RASGRF2: variants seen among roughly 807,000 people sequenced by gnomAD.
RASGRF2 encodes the protein Ras protein specific guanine nucleotide releasing factor 2.
Under a neutral mutation model 151.0 loss-of-function variants are expected in RASGRF2, and 76 were observed. That is an observed-to-expected ratio of 0.50 (90% CI 0.42 to 0.61). The LOEUF (loss-of-function observed/expected upper bound fraction) is 0.61. Among genes scored for constraint, RASGRF2 ranks in the 20% least tolerant of loss-of-function variants. RASGRF2 has a pLI of 0.00. For missense variants in RASGRF2, 1,148 were observed against 1,564.6 expected (o/e 0.73, Z 4.49); for synonymous variants, 504 against 566.5 (o/e 0.89, Z 1.57).
intron 19 of RASGRF2, among the ~76,000 whole-genome samples, chr5:81,205,270 T>C (rs1264868588): frequency 2.6e-5 from 4 of 151,976 alleles, no homozygotes; most frequent in Admixed American, 6.6e-5. Flanking sequence ...TTATTGACTG[T>C]GTGCTGTGTG....
chr5:81,123,710 C>G lies in RASGRF2; in HGVS notation c.2539C>G (p.Leu847Val). 1 of 1,614,030 alleles carries G rather than the reference C, an allele frequency of 6.2e-7. No homozygotes were observed. Among genetic ancestry groups the G allele is most frequent in the Non-Finnish European group, 8.5e-7 (1 of 1,179,962 alleles). The change falls in exon 16 of 27, where the codon CTT (leucine) becomes GTT (valine). Residue 847 changes from leucine to valine, a missense_variant. By Grantham distance (32) the Leu-to-Val change is conservative. This residue lies in a region of RASGRF2 where 646 missense variants were observed against 807.4 expected (regional missense o/e 0.80). Coordinates refer to ENST00000265080, the MANE Select transcript of RASGRF2 (RefSeq NM_006909.3). ...ESSPAADTTE[L>V]SPCRSPSTPR... ...CTCCCCTGCAGCGGACACCACAGAA[C>G]TTTCACCTTGCAGATCCCCCTCAAC...
At chr5:81,172,864 G>A (rs554233443) in intron 17 of RASGRF2, among the ~76,000 whole-genome samples, 1 of 152,268 alleles carries the variant, frequency 6.6e-6, no homozygotes, top group Admixed American at 6.5e-5. Context: ...TGGATGATGT[G>A]TGGTGAGATT....
At chr5:80,982,821 C>T (rs561401761) in intron 1 of RASGRF2, among the ~76,000 whole-genome samples, 20 of 152,022 alleles carry the variant, frequency 1.3e-4, no homozygotes, top group Non-Finnish European at 2.2e-4. Context: ...AGGATGGTCT[C>T]GATCTCCTGA....
At chr5:81,090,763 C>T (rs879236084) in intron 9 of RASGRF2, among the ~76,000 whole-genome samples, 3 of 152,116 alleles carry the variant, frequency 2.0e-5, no homozygotes, top group South Asian at 2.1e-4. Context: ...GAGCTAACAG[C>T]GTATTCTGTA....
chr5:80,996,066 A>G (rs1248912873), intron 1 of RASGRF2, among the ~76,000 whole-genome samples: 1 of 151,706 alleles, frequency 6.6e-6, no homozygotes, highest in Non-Finnish European at 1.5e-5. Context: ...CTTCCACCTT[A>G]TCTCTTCCTC....
At chr5:81,164,059 G>A (rs190534402) in intron 17 of RASGRF2, among the ~76,000 whole-genome samples, 62 of 152,260 alleles carry the variant, frequency 4.1e-4, no homozygotes, top group Non-Finnish European at 2.8e-4. Context: ...GACTTGTGAA[G>A]CTTAAATGAG....
intron 1 of RASGRF2, among the ~76,000 whole-genome samples, chr5:81,015,526 C>A (rs966374134): frequency 1.3e-5 from 2 of 151,762 alleles, no homozygotes; most frequent in African/African-American, 4.8e-5. Flanking sequence ...TTTTTTTTCA[C>A]ATTTTCTGGT....
chr5:81,059,068 C>T (rs1200429306), intron 2 of RASGRF2, among the ~76,000 whole-genome samples: 1 of 152,114 alleles, frequency 6.6e-6, no homozygotes, highest in East Asian at 1.9e-4. Context: ...CTCATCAGAA[C>T]AGCCAGTGGG....
chr5:80,960,584 A>C lies in RASGRF2; in HGVS notation c.-155A>C. 1.5e-6 allele frequency: 1 copy of C among 685,874 alleles called. No homozygotes were observed. The allele number at this position is 685,874 out of a possible 1,614,324, so 42.5% of individuals were successfully genotyped here. A position where few individuals can be genotyped will look rare whatever the true frequency, so the allele number is the denominator to read the frequency against. The stretch of plus-strand genomic sequence containing the variant: ...GCCACCGCGCGCCGCGGCCTCCCGA[A>C]AGCGGGCGGGGTGCCCTGCGCGCGG... On this transcript the variant is annotated 5_prime_UTR_variant, in exon 1 of 27. Coordinates refer to ENST00000265080, the MANE Select transcript of RASGRF2 (RefSeq NM_006909.3). The surrounding 1 kb of genome is among the most constrained non-coding windows in gnomAD (Gnocchi z 5.5).
chr5:81,009,426 G>A (rs1749383159), intron 1 of RASGRF2, among the ~76,000 whole-genome samples: 1 of 152,184 alleles, frequency 6.6e-6, no homozygotes, highest in African/African-American at 2.4e-5. Flanking sequence ...CGCTAAAATT[G>A]TGATGTGAGT....
At chr5:81,093,078 C>T in intron 10 of RASGRF2, 117 bp downstream of exon 10, 2 of 1,073,228 alleles carry the variant, frequency 1.9e-6, no homozygotes, top group Non-Finnish European at 1.3e-6. Context: ...GTCATGATTG[C>T]ATAATGAGTG....
intron 1 of RASGRF2, among the ~76,000 whole-genome samples, chr5:81,041,756 A>G (rs751303872): frequency 1.3e-5 from 2 of 152,180 alleles, no homozygotes; most frequent in African/African-American, 2.4e-5. Context: ...GCACAGTTCT[A>G]TGAATGTAAA....
Position 81,080,597 on chromosome 5 carries a change from T to C in RASGRF2, c.969T>C (p.Ala323=), listed in dbSNP as rs1305839662. ...RIANWPTLIL[A]DLFDILLPML... ...GCCGTGTTTACTGTTTCTTTGCAGC[T>C]GATCTGTTTGATATTTTGCTCCCCA... The change falls in exon 7 of 27, where the codon GCT becomes GCC. Residue 323 remains alanine, a splice_region_variant and synonymous_variant. Transcript: ENST00000265080. 3 of 1,612,782 alleles carry C rather than the reference T, an allele frequency of 1.9e-6. No homozygotes were observed. The highest frequency in any genetic ancestry group is 2.5e-6 in the Non-Finnish European group (3 of 1,179,088).
At chr5:80,969,454 CTTTTTTT>C (rs1336281599) in intron 1 of RASGRF2, among the ~76,000 whole-genome samples, 1 of 126,072 alleles carries the variant, frequency 7.9e-6, no homozygotes, top group Admixed American at 8.2e-5. Context: ...TTTCTTTTTT[CTTTTTTT>C]TTTTTGAGAC....
At chr5:80,969,597 C>T (rs1358216135) in intron 1 of RASGRF2, among the ~76,000 whole-genome samples, 163 of 150,954 alleles carry the variant, frequency 1.1e-3, no homozygotes, top group African/African-American at 3.6e-3. Context: ...TACAGGCACC[C>T]GCCACCACGC....
chr5:81,067,061 C>A (rs1751629261), intron 2 of RASGRF2, among the ~76,000 whole-genome samples: 1 of 152,138 alleles, frequency 6.6e-6, no homozygotes, highest in South Asian at 2.1e-4. Context: ...AATTTGAATC[C>A]CAGCCCTGCT....
At chr5:81,216,010 T>C in intron 24 of RASGRF2, 55 bp downstream of exon 24, 1 of 1,398,146 alleles carries the variant, frequency 7.2e-7, no homozygotes, top group South Asian at 1.7e-5. Context: ...ATTTACATAA[T>C]GTATATAGTA....
chr5:81,184,120 A>G (rs1754974884), intron 18 of RASGRF2, among the ~76,000 whole-genome samples: 1 of 152,192 alleles, frequency 6.6e-6, no homozygotes, highest in African/African-American at 2.4e-5. Flanking sequence ...GTCATTTTCT[A>G]GCCTTTAAAG....
At chr5:81,016,065 C>G (rs1315122840) in intron 1 of RASGRF2, among the ~76,000 whole-genome samples, 1 of 152,138 alleles carries the variant, frequency 6.6e-6, no homozygotes, top group East Asian at 1.9e-4. Flanking sequence ...GTCAGTGGCT[C>G]TGAAGCTGAC....
Sources: allele counts gnomAD v4.1 joint callset (sites outside exome capture counted in the v4.1 genomes callset), GRCh38; gene constraint gnomAD v4.1.1; regional missense constraint gnomAD v4.1.1; non-coding constraint Gnocchi (gnomAD v3.1); transcripts MANE v1.5; gene names NCBI Gene and HGNC (gene_info 2026-07-23, HGNC 2026-07-21).